PDE1C: variants seen among roughly 807,000 people sequenced by gnomAD.
PDE1C encodes phosphodiesterase 1C.
In PDE1C, 62 loss-of-function variants were observed where a neutral mutation model predicts 93.1. That is an observed-to-expected ratio of 0.67 (90% confidence interval 0.54 to 0.82). The LOEUF is 0.82. PDE1C is among the 40% of genes least tolerant of loss of function. PDE1C has a pLI of 0.00. For synonymous variants in PDE1C, 325 were observed against 310.1 expected, an observed-to-expected ratio of 1.05 and a Z score of -0.50; for missense variants, 742 against 884.6, an observed-to-expected ratio of 0.84 and a Z score of 2.04.
At chr7:32,397,181 G>A (rs778919678) in intron 1 of PDE1C, among the ~76,000 whole-genome samples, 10 of 151,652 alleles carry the variant, frequency 6.6e-5, no homozygotes, top group South Asian at 2.1e-4. Flanking sequence ...AACCAAAGCC[G>A]AAAAAGAAAA....
chr7:32,023,857 C>T (rs558015768), intron 2 of PDE1C, among the ~76,000 whole-genome samples: 2 of 152,190 alleles, frequency 1.3e-5, no homozygotes, highest in East Asian at 1.9e-4. Flanking sequence ...CAGGGCTACA[C>T]ATGTGACAAA....
chr7:32,005,555 CAAAAA>C (rs59246166), intron 2 of PDE1C, among the ~76,000 whole-genome samples: 538 of 50,766 alleles, frequency 0.011, 20 homozygotes, highest in African/African-American at 0.039. Flanking sequence ...GACTCCATTT[CAAAAA>C]AAAAAAAAAA....
At chr7:32,113,021 G>A (rs1159177675) in intron 3 of PDE1C, among the ~76,000 whole-genome samples, 1 of 149,472 alleles carries the variant, frequency 6.7e-6, no homozygotes, top group African/African-American at 2.4e-5. Context: ...TGGCAATGAG[G>A]TAAGTATAGC....
chr7:32,386,155 C>T (rs536511635), intron 1 of PDE1C, among the ~76,000 whole-genome samples: 1 of 139,818 alleles, frequency 7.2e-6, no homozygotes, highest in South Asian at 2.3e-4. Flanking sequence ...GTCACAACTA[C>T]AGGCAAGCAT....
intron 2 of PDE1C, among the ~76,000 whole-genome samples, chr7:32,194,440 G>A (rs750866657): frequency 1.3e-5 from 2 of 152,084 alleles, no homozygotes; most frequent in African/African-American, 2.4e-5. Context: ...CTCATTTTAG[G>A]TCTAACAGAT....
Position 31,850,498 on chromosome 7 carries a change from T to G in PDE1C, c.851+143A>C. The G allele has an allele frequency of 1.1e-5, 7 of 637,324 alleles. No homozygotes were observed. The South Asian group carries it at 1.3e-4, about 12-fold the overall frequency. The allele number at this position is 637,324 out of a possible 1,614,324, so 39.5% of individuals were successfully genotyped here. ...AAGTCTTGATTGAAGCTGATCAGAC[T>G]GATCTCTCATTTAGAGGTTCATTGT... On this transcript the variant is annotated intron_variant, in intron 8 of 17. Transcript: ENST00000396191.
intron 1 of PDE1C, among the ~76,000 whole-genome samples, chr7:32,346,681 C>T (rs767528446): frequency 1.4e-4 from 21 of 152,178 alleles, no homozygotes; most frequent in Non-Finnish European, 2.8e-4. Context: ...GAACAAGGGA[C>T]CTGGCATCTT....
chr7:32,318,370 G>C (rs918318466), intron 1 of PDE1C, among the ~76,000 whole-genome samples: 3 of 152,106 alleles, frequency 2.0e-5, no homozygotes, highest in Non-Finnish European at 4.4e-5. Flanking sequence ...AAACCGCTCA[G>C]CCCAAGCACC....
intron 4 of PDE1C, 111 bp from the exon 5 acceptor site, chr7:31,878,147 CA>C (rs1796822374): frequency 7.5e-6 from 5 of 662,394 alleles, no homozygotes; most frequent in Middle Eastern, 3.8e-4. Context: ...TGGGGTGATC[CA>C]AAGAACCTAA....
At chr7:31,798,151 T>C (rs994336635) in intron 16 of PDE1C, among the ~76,000 whole-genome samples, 1 of 151,768 alleles carries the variant, frequency 6.6e-6, no homozygotes. Context: ...ACTGGCCAGT[T>C]GACATGAGGA....
At chr7:32,047,093 T>TC (rs1792706861) in intron 2 of PDE1C, among the ~76,000 whole-genome samples, 4 of 112,736 alleles carry the variant, frequency 3.5e-5, no homozygotes, top group African/African-American at 1.4e-4. Flanking sequence ...GTGTGTGTGT[T>TC]GGAAGCACCT....
upstream of PDE1C, among the ~76,000 whole-genome samples, chr7:32,302,720 AG>A (rs151214016): frequency 0.023 from 3,522 of 152,322 alleles, 122 homozygotes; most frequent in South Asian, 0.18. Flanking sequence ...CAACATATAT[AG>A]AATGTATCAA....
chr7:32,345,843 A>G (rs1389136400), intron 1 of PDE1C, among the ~76,000 whole-genome samples: 1 of 152,246 alleles, frequency 6.6e-6, no homozygotes. Context: ...CAAAAAGATA[A>G]TAACAAGAAT....
At chr7:32,006,039 C>G (rs762656648) in intron 2 of PDE1C, among the ~76,000 whole-genome samples, 2 of 152,002 alleles carry the variant, frequency 1.3e-5, no homozygotes, top group Non-Finnish European at 2.9e-5. Flanking sequence ...TCTTTAGGGG[C>G]CTTTTCTTTT....
intron 3 of PDE1C, among the ~76,000 whole-genome samples, chr7:32,146,237 G>A (rs1185781078): frequency 6.6e-6 from 1 of 152,168 alleles, no homozygotes; most frequent in East Asian, 1.9e-4. Context: ...TGGGAGGAGT[G>A]TATCCATTTC....
At chr7:32,402,886 T>C (rs1475667357) in intron 1 of PDE1C, among the ~76,000 whole-genome samples, 2 of 152,218 alleles carry the variant, frequency 1.3e-5, no homozygotes, top group African/African-American at 4.8e-5. Context: ...TTCATTATGT[T>C]GGGCCCTGTC....
chr7:31,828,856 G>C (rs1172413647), intron 11 of PDE1C, among the ~76,000 whole-genome samples: 1 of 152,138 alleles, frequency 6.6e-6, no homozygotes, highest in African/African-American at 2.4e-5. Context: ...TGGAGCAAGT[G>C]CTTCTGGGTT....
intron 2 of PDE1C, among the ~76,000 whole-genome samples, chr7:32,181,493 A>T (rs1183606654): frequency 1.3e-5 from 2 of 152,212 alleles, no homozygotes; most frequent in South Asian, 4.1e-4. Context: ...GAATTAAGAA[A>T]CTCACTCAAA....
chr7:32,197,654 T>G (rs1469696385), intron 2 of PDE1C, among the ~76,000 whole-genome samples: 2 of 152,220 alleles, frequency 1.3e-5, no homozygotes, highest in Admixed American at 6.5e-5. Flanking sequence ...ACAACATGGA[T>G]GAACCTTGAA....
Sources: allele counts gnomAD v4.1 joint callset (sites outside exome capture counted in the v4.1 genomes callset), GRCh38; gene constraint gnomAD v4.1.1; transcripts MANE v1.5; gene names NCBI Gene and HGNC (gene_info 2026-07-23, HGNC 2026-07-21).